NRAP: variants seen among roughly 807,000 people sequenced by gnomAD.
NRAP encodes the protein nebulin related anchoring protein, also known as nebulin-related-anchoring protein.
A neutral mutation model predicts 225.9 loss-of-function variants in NRAP; 189 were observed. That is an observed-to-expected ratio of 0.84 (90% CI 0.74 to 0.94). The LOEUF (loss-of-function observed/expected upper bound fraction) is 0.94, where lower values mean the gene tolerates loss of function less well. Among genes scored for constraint, NRAP ranks in the 40% least tolerant of loss-of-function variants. The probability of loss-of-function intolerance (pLI) is 0.00; values close to 1 mark genes in which losing one functional copy is unlikely to be tolerated. For missense variants in NRAP, 2,176 were observed against 2,168.7 expected, an observed-to-expected ratio of 1.00 and a Z score of -0.07; for synonymous variants, 769 against 790.7, an observed-to-expected ratio of 0.97 and a Z score of 0.46.
chr10:113,589,420 C>G (rs886046751), intron 41 of NRAP: 5 of 587,424 alleles, frequency 8.5e-6, no homozygotes, highest in South Asian at 6.5e-5. Flanking sequence ...GATGTAGCCC[C>G]GGTAGGTTTG....
Position 113,617,470 on chromosome 10 carries a change from A to G in NRAP, c.2958T>C (p.Tyr986=), listed in dbSNP as rs1373452458. Residue 986 remains tyrosine (Y), a synonymous_variant, in exon 26 of 42, where the codon TAT becomes TAC. Coordinates refer to ENST00000359988, the MANE Select transcript of NRAP (RefSeq NM_198060.4). ...TPEMVQARIS[Y]TQAVDRLYRE... is the part of the protein sequence containing the mutation. ...TATCACTTACATCCACTGCTTGGGTATAACTAATTCTGGCCTGGACCATCT... is the reference window on the plus strand; with the variant it reads ...TATCACTTACATCCACTGCTTGGGTGTAACTAATTCTGGCCTGGACCATCT... The G allele has an allele frequency of 6.3e-7, 1 of 1,595,980 alleles. No homozygotes were observed. The highest frequency in any genetic ancestry group is 8.6e-7 in the Non-Finnish European group (1 of 1,163,466).
chr10:113,617,353 A>T, intron 26 of NRAP, 102 bp downstream of exon 26: 2 of 759,620 alleles, frequency 2.6e-6, no homozygotes, highest in Non-Finnish European at 4.7e-6. Flanking sequence ...CTTCATCCTT[A>T]GGACAACAGA....
chr10:113,598,094 G>T, intron 35 of NRAP, 21 bp from the exon 36 acceptor site: 1 of 1,474,934 alleles, frequency 6.8e-7, no homozygotes, highest in Non-Finnish European at 9.5e-7. Context: ...AAAAATCATG[G>T]GCTTTATCAG....
In NRAP at chr10:113,588,732, A is replaced by ACAT. The variant is rs900871602; in HGVS notation, c.*240_*242dup. The ACAT allele has an allele frequency of 9.2e-5, 51 of 554,938 alleles. No homozygotes were observed. Among genetic ancestry groups the ACAT allele is most frequent in the African/African-American group, 8.3e-4 (44 of 53,328 alleles). The allele number at this position is 554,938 out of a possible 1,614,324, so 34.4% of individuals were successfully genotyped here. On this transcript the variant is annotated 3_prime_UTR_variant, in exon 42 of 42. Transcript: ENST00000359988. Reference sequence around the variant, plus strand: ...CCCAGCATCAGCGGGAACCACCATCACATCTTTATTCCTCAGCCCAGACAC... The same window carrying ACAT: ...CCCAGCATCAGCGGGAACCACCATCACATCATCTTTATTCCTCAGCCCAGACAC...
intron 26 of NRAP, among the ~76,000 whole-genome samples, chr10:113,616,450 G>A (rs1223271169): frequency 1.3e-5 from 2 of 152,174 alleles, no homozygotes; most frequent in African/African-American, 4.8e-5. Context: ...GTGCCCCCTA[G>A]AGTTGGCTAG....
At chr10:113,596,404 A>C (rs1417957323) in intron 37 of NRAP, among the ~76,000 whole-genome samples, 1 of 152,236 alleles carries the variant, frequency 6.6e-6, no homozygotes, top group Non-Finnish European at 1.5e-5. Flanking sequence ...AATATGAACC[A>C]GTCGGTACAG....
chr10:113,592,367 A>C (rs1036886710), intron 38 of NRAP, 66 bp from the exon 39 acceptor site: 45 of 1,058,804 alleles, frequency 4.3e-5, no homozygotes, highest in Admixed American at 1.4e-4. Flanking sequence ...TGTTGCTGGT[A>C]CTCAGCAGGA....
intron 35 of NRAP, among the ~76,000 whole-genome samples, chr10:113,603,585 G>A (rs1891764): frequency 0.14 from 21,706 of 152,090 alleles, 1,767 homozygotes; most frequent in Admixed American, 0.26. Flanking sequence ...AGTGAGAGTC[G>A]GCGGTGGTTA....
At chr10:113,630,664 G>T (rs1848529505) in intron 18 of NRAP, among the ~76,000 whole-genome samples, 1 of 152,188 alleles carries the variant, frequency 6.6e-6, no homozygotes, top group Non-Finnish European at 1.5e-5. Flanking sequence ...ACACCAATGT[G>T]TTCTGTCTAA....
Position 113,589,157 on chromosome 10 carries a change from G to A in NRAP, c.5089-78C>T, listed in dbSNP as rs10885478. ...CCCGGCCCCGGTTCCCACAGGACACGCTAAGAAGCACAGGGAGCATTTAAC... is the reference window on the plus strand; with the variant it reads ...CCCGGCCCCGGTTCCCACAGGACACACTAAGAAGCACAGGGAGCATTTAAC... On this transcript the variant is annotated intron_variant, in intron 41 of 41. Coordinates refer to ENST00000359988, the MANE Select transcript of NRAP (RefSeq NM_198060.4). 122,169 of 1,156,238 alleles carry A rather than the reference G, an allele frequency of 0.11. 7,042 individuals carry two copies. Among genetic ancestry groups the A allele is most frequent in the Middle Eastern group, 0.12 (429 of 3,688 alleles). 71.6% of individuals were successfully genotyped at this position (1,156,238 alleles called of 1,614,324 possible). A position where few individuals can be genotyped will look rare whatever the true frequency, so the allele number is the denominator to read the frequency against.
intron 22 of NRAP, among the ~76,000 whole-genome samples, chr10:113,624,321 C>CT (rs1314332468): frequency 2.6e-5 from 4 of 152,186 alleles, no homozygotes; most frequent in African/African-American, 9.7e-5. Flanking sequence ...TGACTAACAG[C>CT]TACCACTGTG....
At chr10:113,606,463 T>A (rs1846974837) in intron 32 of NRAP, among the ~76,000 whole-genome samples, 181 bp from the exon 33 acceptor site, 1 of 152,104 alleles carries the variant, frequency 6.6e-6, no homozygotes, top group Non-Finnish European at 1.5e-5. Flanking sequence ...CATTCAGGAG[T>A]CAAATCGAGT....
chr10:113,605,614 CTCAT>C, intron 34 of NRAP, 144 bp downstream of exon 34: 2 of 626,476 alleles, frequency 3.2e-6, no homozygotes, highest in Non-Finnish European at 5.7e-6. Context: ...CTCAAAGAAT[CTCAT>C]TCATAACTAA....
chr10:113,600,928 A>G (rs4918860), intron 35 of NRAP, among the ~76,000 whole-genome samples: 78,041 of 152,022 alleles, frequency 0.51, 20,606 homozygotes, highest in East Asian at 0.71. Flanking sequence ...TTCTGAGGGA[A>G]AAACTGAGTC....
chr10:113,625,155 A>G (rs576544995), intron 21 of NRAP, among the ~76,000 whole-genome samples: 51 of 152,176 alleles, frequency 3.4e-4, no homozygotes, highest in Non-Finnish European at 5.3e-4. Flanking sequence ...CAGGGAGCCA[A>G]CCTGAAAACC....
In NRAP at chr10:113,647,024, A is replaced by T. The variant is rs748594952; in HGVS notation, c.892T>A (p.Tyr298Asn). Reference protein sequence around the residue: ...RECADQYGQGYPEEYEEHRGK... With the variant: ...RECADQYGQGNPEEYEEHRGK... ...CTGTGCTCCTCATACTCCTCCGGGT[A>T]ACCCTGCCGGGTGCATCAAAAACTT... Residue 298 changes from tyrosine (Y) to asparagine (N), a missense_variant, in exon 10 of 42, where the codon TAC becomes AAC. By Grantham distance (143) the Tyr-to-Asn change is moderately radical (BLOSUM62 -2). Coordinates refer to ENST00000359988, the MANE Select transcript of NRAP (RefSeq NM_198060.4). 6.2e-7 allele frequency: 1 copy of T among 1,612,332 alleles called. No homozygotes were observed. The highest frequency in any genetic ancestry group is 2.2e-5 in the East Asian group (1 of 44,880).
intron 14 of NRAP, among the ~76,000 whole-genome samples, chr10:113,635,511 T>C (rs1848818620): frequency 1.3e-5 from 2 of 152,196 alleles, no homozygotes; most frequent in Admixed American, 1.3e-4. Flanking sequence ...CACTGCAACC[T>C]CCTCCTCCTG....
intron 32 of NRAP, among the ~76,000 whole-genome samples, chr10:113,608,110 C>T (rs1340473758): frequency 6.6e-6 from 1 of 152,182 alleles, no homozygotes; most frequent in Non-Finnish European, 1.5e-5. Flanking sequence ...ATCTTATGAT[C>T]CTGTCAAATG....
chr10:113,636,083 C>A (rs1316334296), intron 14 of NRAP, among the ~76,000 whole-genome samples: 4 of 152,250 alleles, frequency 2.6e-5, no homozygotes, highest in Non-Finnish European at 5.9e-5. Context: ...CTGAACACCT[C>A]ATTCACAGAC....
Sources: gnomAD v4.1 joint callset for allele counts (sites outside exome capture counted in the v4.1 genomes callset) on GRCh38, gnomAD v4.1.1 for gene constraint, MANE v1.5 for transcripts, NCBI Gene and HGNC (gene_info 2026-07-23, HGNC 2026-07-21) for gene names.